The following ATP2C1 variants were observed in gnomAD, a reference collection of about 807,000 sequenced individuals.
ATP2C1 encodes calcium-transporting ATPase type 2C member 1.
A neutral mutation model predicts 120.5 loss-of-function variants in ATP2C1; 31 were observed. The ratio of observed to expected loss-of-function variants is 0.26; its 90% CI spans 0.19 to 0.35. The LOEUF (loss-of-function observed/expected upper bound fraction) is 0.35. Ranked by LOEUF, ATP2C1 falls within the 10% of genes least tolerant of loss-of-function variation. ATP2C1 has a pLI of 1.00. For missense variants in ATP2C1, 731 were observed against 1,107.5 expected, an observed-to-expected ratio of 0.66 and a Z score of 4.83; for synonymous variants, 351 against 358.7, an observed-to-expected ratio of 0.98 and a Z score of 0.24.
At chr3:130,978,291 A>G (rs985984317) in intron 18 of ATP2C1, among the ~76,000 whole-genome samples, 5 of 152,098 alleles carry the variant, frequency 3.3e-5, no homozygotes, top group African/African-American at 9.7e-5. Flanking sequence ...TTTTTTGAGC[A>G]TATGTAATCT....
chr3:130,932,620 TAG>T (rs963728102), intron 4 of ATP2C1, among the ~76,000 whole-genome samples: 15 of 152,278 alleles, frequency 9.9e-5, no homozygotes, highest in Admixed American at 7.8e-4. Context: ...TAGCTCTCAG[TAG>T]ATGATAGTTA....
chr3:130,865,793 A>G (rs1260258966), intron 1 of ATP2C1, among the ~76,000 whole-genome samples: 5 of 152,210 alleles, frequency 3.3e-5, no homozygotes, highest in Non-Finnish European at 2.9e-5. Context: ...AAGTCCAATT[A>G]AACCTCTTTT....
intron 26 of ATP2C1, chr3:131,014,507 T>A: frequency 2.1e-6 from 2 of 940,242 alleles, no homozygotes; most frequent in Non-Finnish European, 3.1e-6. Flanking sequence ...TGCTCTATAA[T>A]ATTATCGAAA....
chr3:130,977,021 C>T (rs1191386930), intron 18 of ATP2C1, among the ~76,000 whole-genome samples: 1 of 152,224 alleles, frequency 6.6e-6, no homozygotes, highest in Non-Finnish European at 1.5e-5. Flanking sequence ...CACTCCTCAA[C>T]TTTCCACCTC....
rs569618537 is a variant in ATP2C1, at chr3:130,853,998, T to C, written c.108+3070T>C. 3.3e-5 allele frequency among the ~76,000 whole-genome samples: 5 copies of C among 152,354 alleles called. No individual in the cohort carries two copies. In the South Asian group the frequency reaches 8.3e-4, roughly 25 times the overall value. ...CTCACCTTGTTCACATATGCTTTAT[T>C]GTTTAAAACTTCTCCTAGTGCTCTT... is the stretch of plus-strand genomic sequence containing the variant. On this transcript the variant is annotated intron_variant, in intron 1 of 26. Transcript: ENST00000504381.
At chr3:130,898,883 A>G (rs1371095426) in intron 2 of ATP2C1, among the ~76,000 whole-genome samples, 1 of 152,188 alleles carries the variant, frequency 6.6e-6, no homozygotes, top group East Asian at 1.9e-4. Flanking sequence ...TAAAGTTAGC[A>G]TGAATTTTAA....
intron 20 of ATP2C1, among the ~76,000 whole-genome samples, chr3:130,990,981 T>G (rs746279441): frequency 3.3e-5 from 5 of 152,142 alleles, no homozygotes; most frequent in Non-Finnish European, 7.4e-5. Context: ...GATCTGGATT[T>G]CAGAAGAAAT....
chr3:130,926,726 T>G (rs1300267759), intron 2 of ATP2C1, among the ~76,000 whole-genome samples: 1 of 152,272 alleles, frequency 6.6e-6, no homozygotes, highest in Admixed American at 6.5e-5. Context: ...ATACCAGGTC[T>G]CTCAGCCCTT....
chr3:130,915,023 T>A (rs944349287), intron 2 of ATP2C1, among the ~76,000 whole-genome samples: 2 of 152,146 alleles, frequency 1.3e-5, no homozygotes, highest in Non-Finnish European at 2.9e-5. Flanking sequence ...GGTTCCTTCC[T>A]ACCTCTTAGT....
intron 1 of ATP2C1, among the ~76,000 whole-genome samples, chr3:130,863,180 C>A (rs1450612854): frequency 6.6e-6 from 1 of 152,122 alleles, no homozygotes; most frequent in Non-Finnish European, 1.5e-5. Flanking sequence ...CTATTCTGAG[C>A]AGCTTCAGCT....
intron 2 of ATP2C1, among the ~76,000 whole-genome samples, chr3:130,904,079 AAAT>A (rs1159150602): frequency 6.6e-6 from 1 of 152,040 alleles, no homozygotes; most frequent in Non-Finnish European, 1.5e-5. Flanking sequence ...GGTTTTTCTA[AAAT>A]CTTCTAAAAT....
chr3:130,996,028 T>C lies in ATP2C1; in HGVS notation c.2058-15T>C. The C allele has an allele frequency of 6.8e-7, 1 of 1,475,582 alleles. No individual in the cohort carries two copies. The highest frequency in any genetic ancestry group is 9.5e-7 in the Non-Finnish European group (1 of 1,055,438). 91.4% of individuals were successfully genotyped at this position (1,475,582 alleles called of 1,614,324 possible). On this transcript the variant is annotated splice_polypyrimidine_tract_variant and intron_variant, in intron 22 of 27. Transcript: ENST00000510168. ...ATAATATTTTCTCACTTCATCTTTATTTTTTAAATTTCAGGTCTGCAATCG... is the reference window on the plus strand; with the variant it reads ...ATAATATTTTCTCACTTCATCTTTACTTTTTAAATTTCAGGTCTGCAATCG...
At chr3:130,993,122 G>T (rs1008505510) in intron 21 of ATP2C1, 121 bp downstream of exon 21, 32 of 622,548 alleles carry the variant, frequency 5.1e-5, no homozygotes, top group South Asian at 7.6e-5. Flanking sequence ...AAGCAAAACA[G>T]TTTTTTTTTT....
At chr3:131,009,441 C>T (rs1270206830) in intron 26 of ATP2C1, among the ~76,000 whole-genome samples, 2 of 152,182 alleles carry the variant, frequency 1.3e-5, no homozygotes, top group Non-Finnish European at 2.9e-5. Context: ...GAAGAGATTG[C>T]ATGTGCATTG....
intron 20 of ATP2C1, among the ~76,000 whole-genome samples, chr3:130,987,712 T>G (rs1195198603): frequency 6.6e-6 from 1 of 152,232 alleles, no homozygotes; most frequent in Non-Finnish European, 1.5e-5. Flanking sequence ...TCTAAATCAT[T>G]AGCTTGTTGA....
chr3:130,996,436 A>G (rs918826359), intron 23 of ATP2C1, among the ~76,000 whole-genome samples: 7 of 152,212 alleles, frequency 4.6e-5, no homozygotes, highest in Admixed American at 3.3e-4. Context: ...TTACCAAAAT[A>G]TTGTTGAAAC....
intron 17 of ATP2C1, among the ~76,000 whole-genome samples, chr3:130,971,622 G>A (rs2061320563): frequency 6.6e-6 from 1 of 152,150 alleles, no homozygotes; most frequent in Non-Finnish European, 1.5e-5. Context: ...AGAAAGTATA[G>A]GGAAGATTCA....
chr3:130,987,431 G>C (rs1043493528), intron 20 of ATP2C1, among the ~76,000 whole-genome samples: 1 of 152,170 alleles, frequency 6.6e-6, no homozygotes, highest in African/African-American at 2.4e-5. Flanking sequence ...CCCAGTTCAG[G>C]TGATCCCTCA....
intron 20 of ATP2C1, among the ~76,000 whole-genome samples, chr3:130,981,959 A>ATAGG (rs1021893516): frequency 6.6e-6 from 1 of 152,166 alleles, no homozygotes; most frequent in African/African-American, 2.4e-5. Context: ...TTTATTAGAT[A>ATAGG]TTTGTTTGAA....
Sources: allele counts gnomAD v4.1 joint callset (sites outside exome capture counted in the v4.1 genomes callset), GRCh38; gene constraint gnomAD v4.1.1; transcripts MANE v1.5; gene names NCBI Gene and HGNC (gene_info 2026-07-23, HGNC 2026-07-21).